Variants in ADARB2 observed in about 807,000 individuals in gnomAD.
ADARB2 encodes inactive double-stranded RNA-specific editase B2.
ADARB2 carries 25 observed loss-of-function variants against 62.2 expected under a neutral mutation model. The ratio of observed to expected loss-of-function variants is 0.40; its 90% CI spans 0.29 to 0.56. The LOEUF (loss-of-function observed/expected upper bound fraction) is 0.56. ADARB2 is among the 20% of genes least tolerant of loss of function. ADARB2 has a pLI of 0.43. For missense variants in ADARB2, 1,071 were observed against 1,077.4 expected (o/e 0.99, Z 0.08); for synonymous variants, 572 against 500.8 (o/e 1.14, Z -1.90).
intron 1 of ADARB2, among the ~76,000 whole-genome samples, chr10:1,471,675 G>A (rs568170048): frequency 6.2e-4 from 95 of 152,220 alleles, no homozygotes; most frequent in African/African-American, 2.2e-3. Context: ...TTATAGGCAT[G>A]AGCCACCATG....
intron 1 of ADARB2, among the ~76,000 whole-genome samples, chr10:1,647,352 T>G (rs948900123): frequency 5.3e-5 from 8 of 151,816 alleles, no homozygotes; most frequent in Non-Finnish European, 2.9e-5. Context: ...CATGTATATA[T>G]GTGTGTGTGC....
chr10:1,233,310 T>G (rs963537479), intron 6 of ADARB2, among the ~76,000 whole-genome samples: 1 of 152,144 alleles, frequency 6.6e-6, no homozygotes, highest in Non-Finnish European at 1.5e-5. Flanking sequence ...AAGCTGAGCT[T>G]TTTTCCTCCC....
At chr10:1,242,098 C>T (rs748330356) in intron 5 of ADARB2, 33 bp downstream of exon 5, 52 of 1,568,142 alleles carry the variant, frequency 3.3e-5, no homozygotes, top group Middle Eastern at 2.0e-4. Flanking sequence ...CCGCGGCGTC[C>T]GCCTTCCCTG....
At chr10:1,185,321 C>T (rs1836737457) in intron 8 of ADARB2, among the ~76,000 whole-genome samples, 1 of 152,212 alleles carries the variant, frequency 6.6e-6, no homozygotes, top group East Asian at 1.9e-4. Flanking sequence ...CAGATTCCCC[C>T]CCCTTCTGTA....
chr10:1,631,473 T>C lies in ADARB2; in HGVS notation c.100+105578A>G, dbSNP rs189678075. 8.1e-3 allele frequency among the ~76,000 whole-genome samples: 1,229 copies of C among 152,302 alleles called. 63 individuals are homozygous for C. Among genetic ancestry groups the C allele is most frequent in the Admixed American group, 0.075 (1,143 of 15,286 alleles). The stretch of plus-strand genomic sequence containing the variant: ...GGGCGTATCACCTTCCCATGCCCGA[T>C]GTCAGAGCGCAAAAAATATGCTTAA... On this transcript the variant is annotated intron_variant, in intron 1 of 9. Coordinates refer to ENST00000381312, the MANE Select transcript of ADARB2 (RefSeq NM_018702.4).
intron 4 of ADARB2, among the ~76,000 whole-genome samples, chr10:1,260,308 C>G (rs1831123794): frequency 6.6e-6 from 1 of 152,082 alleles, no homozygotes; most frequent in African/African-American, 2.4e-5. Context: ...CCAGGGCAAT[C>G]AGGCAGGAGA....
chr10:1,734,098 TA>T (rs1452363279), intron 1 of ADARB2, among the ~76,000 whole-genome samples: 35 of 152,012 alleles, frequency 2.3e-4, no homozygotes, highest in Non-Finnish European at 1.5e-5. Context: ...CATTTATGAA[TA>T]ATTTCTAAAA....
In ADARB2 at chr10:1,724,857, G is replaced by T. The variant is rs181962733; in HGVS notation, c.100+12194C>A. Reference sequence around the variant, plus strand: ...TGGACAGCCACAATGCCTGATGAGGGGCCACAGGTACTTGCTCTAACCTCT... The same window carrying T: ...TGGACAGCCACAATGCCTGATGAGGTGCCACAGGTACTTGCTCTAACCTCT... On this transcript the variant is annotated intron_variant, in intron 1 of 9. Transcript: ENST00000381312. Among the ~76,000 whole-genome samples, 13 of 152,166 alleles carry T rather than the reference G, an allele frequency of 8.5e-5. No homozygotes were observed. The East Asian group carries it at 2.5e-3, about 29-fold the overall frequency.
chr10:1,521,207 G>A (rs185301396), intron 1 of ADARB2, among the ~76,000 whole-genome samples: 2 of 152,220 alleles, frequency 1.3e-5, no homozygotes, highest in East Asian at 3.9e-4. Context: ...TGTTTATGAC[G>A]GGCATGGCAT....
At chr10:1,504,770 T>G (rs1162099742) in intron 1 of ADARB2, among the ~76,000 whole-genome samples, 1 of 152,192 alleles carries the variant, frequency 6.6e-6, no homozygotes, top group Non-Finnish European at 1.5e-5. Context: ...TAAAAAGTAT[T>G]CTTACTATTC....
At position 1,581,307 on chromosome 10, in the gene ADARB2, G is replaced by A. The variant is rs550723448; in HGVS notation, c.100+155744C>T. 8.2e-4 allele frequency among the ~76,000 whole-genome samples: 125 copies of A among 152,348 alleles called. 1 individual carries two copies. Among genetic ancestry groups the A allele is most frequent in the South Asian group, 2.3e-3 (11 of 4,826 alleles). On this transcript the variant is annotated intron_variant, in intron 1 of 9. Coordinates refer to ENST00000381312, the MANE Select transcript of ADARB2 (RefSeq NM_018702.4). ...GAGCTTTCCCTGTGACAGCTACCTGGAAGCATACACCCAGTTCCACTGGAG... is the reference window on the plus strand; with the variant it reads ...GAGCTTTCCCTGTGACAGCTACCTGAAAGCATACACCCAGTTCCACTGGAG...
chr10:1,276,505 T>C (rs184509860), intron 3 of ADARB2, among the ~76,000 whole-genome samples: 4 of 152,294 alleles, frequency 2.6e-5, no homozygotes, highest in African/African-American at 9.6e-5. Context: ...AGAAGCTCTT[T>C]AGTTTAATTA....
intron 1 of ADARB2, among the ~76,000 whole-genome samples, chr10:1,648,578 G>A (rs1317890148): frequency 1.3e-5 from 2 of 152,168 alleles, no homozygotes; most frequent in African/African-American, 4.8e-5. Context: ...ATGTGGGTAA[G>A]CATTGGTCCA....
At chr10:1,664,614 GTTCATCATCTCAT>G (rs1387691961) in intron 1 of ADARB2, among the ~76,000 whole-genome samples, 2 of 152,182 alleles carry the variant, frequency 1.3e-5, no homozygotes, top group African/African-American at 2.4e-5. Context: ...CATCTCTCAT[GTTCATCATCTCAT>G]TTCATCATCT....
chr10:1,385,669 T>C (rs376594146), intron 1 of ADARB2, among the ~76,000 whole-genome samples: 11 of 152,166 alleles, frequency 7.2e-5, no homozygotes, highest in Admixed American at 4.6e-4. Context: ...GTCTAACTTA[T>C]GTATAATTGG....
chr10:1,506,539 T>C (rs1406761930), intron 1 of ADARB2, among the ~76,000 whole-genome samples: 1 of 152,206 alleles, frequency 6.6e-6, no homozygotes, highest in Non-Finnish European at 1.5e-5. Flanking sequence ...GAAAGAAAAC[T>C]GTAGTAATGC....
At chr10:1,221,154 G>T (rs1181918875) in intron 6 of ADARB2, among the ~76,000 whole-genome samples, 2 of 152,162 alleles carry the variant, frequency 1.3e-5, no homozygotes, top group African/African-American at 4.8e-5. Flanking sequence ...CAGTGAGCTG[G>T]CCATAAATGA....
At chr10:1,539,403 A>T (rs1176089745) in intron 1 of ADARB2, among the ~76,000 whole-genome samples, 1 of 152,188 alleles carries the variant, frequency 6.6e-6, no homozygotes, top group Non-Finnish European at 1.5e-5. Context: ...ATGCAAACCC[A>T]TCGACCAGTG....
At chr10:1,242,335 A>G in intron 4 of ADARB2, 36 bp from the exon 5 acceptor site, 2 of 1,510,650 alleles carry the variant, frequency 1.3e-6, no homozygotes, top group Non-Finnish European at 1.8e-6. Context: ...AGCGTGGCCC[A>G]CGGCCCCCGT....
Sources: gnomAD v4.1 joint callset for allele counts (sites outside exome capture counted in the v4.1 genomes callset) on GRCh38, gnomAD v4.1.1 for gene constraint, MANE v1.5 for transcripts, NCBI Gene and HGNC (gene_info 2026-07-23, HGNC 2026-07-21) for gene names.